Variants in RTN3 observed in about 807,000 individuals in gnomAD.
RTN3 encodes the protein reticulon-3.
A neutral mutation model predicts 77.8 loss-of-function variants in RTN3; 49 were observed. The ratio of observed to expected loss-of-function variants is 0.63; its 90% CI spans 0.50 to 0.80. RTN3 has a LOEUF of 0.80. RTN3 is among the 30% of genes least tolerant of loss of function. The probability of loss-of-function intolerance (pLI) is 0.00; values close to 1 mark genes in which losing one functional copy is unlikely to be tolerated. For missense variants in RTN3, 1,236 were observed against 1,211.9 expected, an observed-to-expected ratio of 1.02 and a Z score of -0.29; for synonymous variants, 464 against 446.9, an observed-to-expected ratio of 1.04 and a Z score of -0.48.
intron 3 of RTN3, among the ~76,000 whole-genome samples, chr11:63,735,921 TAAAG>T (rs1363321269): frequency 1.3e-5 from 2 of 152,084 alleles, no homozygotes; most frequent in Non-Finnish European, 2.9e-5. Context: ...ACTCCAGTAA[TAAAG>T]ACAGTATGGT....
At chr11:63,732,286 C>CAGCCAAG (rs2012747941) in intron 3 of RTN3, among the ~76,000 whole-genome samples, 1 of 152,066 alleles carries the variant, frequency 6.6e-6, no homozygotes, top group African/African-American at 2.4e-5. Context: ...AGCCAAGTAG[C>CAGCCAAG]TAGGACTACA....
At chr11:63,737,341 G>A (rs995877329) in intron 3 of RTN3, among the ~76,000 whole-genome samples, 1 of 152,222 alleles carries the variant, frequency 6.6e-6, no homozygotes, top group African/African-American at 2.4e-5. Context: ...GCATGCCGGT[G>A]TCTCATGCCT....
intron 3 of RTN3, among the ~76,000 whole-genome samples, chr11:63,728,912 AAAG>A (rs144373345): frequency 0.11 from 16,184 of 150,900 alleles, 1,001 homozygotes; most frequent in South Asian, 0.16. Flanking sequence ...AGAAAAAAGA[AAAG>A]AAAGTAGCTA....
chr11:63,741,918 A>G lies in RTN3; in HGVS notation c.2531-8073A>G, dbSNP rs538776043. ...ATAGCATCTTGATAATGGTAGCTTT[A>G]TATTTAAAATCAGGTCATGTTAATC... On this transcript the variant is annotated intron_variant, in intron 3 of 8. Coordinates refer to ENST00000377819, the MANE Select transcript of RTN3 (RefSeq NM_001265589.2). Among the ~76,000 whole-genome samples, 5 of 151,546 alleles carry G rather than the reference A, an allele frequency of 3.3e-5. No individual in the cohort carries two copies. The East Asian group carries it at 5.8e-4, about 18-fold the overall frequency.
rs373279034 is a variant in RTN3, at chr11:63,731,257, T to G, written c.2530+10225T>G. 2.0e-5 allele frequency among the ~76,000 whole-genome samples: 3 copies of G among 152,182 alleles called. No individual in the cohort carries two copies. In the South Asian group the frequency reaches 6.2e-4, roughly 32 times the overall value. On this transcript the variant is annotated intron_variant, in intron 3 of 8. Coordinates refer to ENST00000377819, the MANE Select transcript of RTN3 (RefSeq NM_001265589.2). Reference sequence around the variant, plus strand: ...CACCACGCCCACTAATTTTTGTATTTTAAGTAGAGACAGGGTTTCACCATG... The same window carrying G: ...CACCACGCCCACTAATTTTTGTATTGTAAGTAGAGACAGGGTTTCACCATG...
intron 7 of RTN3, among the ~76,000 whole-genome samples, chr11:63,754,642 G>A (rs2014270276): frequency 1.4e-5 from 2 of 143,200 alleles, no homozygotes; most frequent in African/African-American, 5.2e-5. Context: ...GGAGGTTGCA[G>A]TGAGCCGAGA....
Position 63,753,134 on chromosome 11 carries a change from T to A in RTN3, c.2943T>A (p.Ile981=). 1 of 1,613,978 alleles carries A rather than the reference T, an allele frequency of 6.2e-7. No individual in the cohort carries two copies. Among genetic ancestry groups the A allele is most frequent in the Non-Finnish European group, 8.5e-7 (1 of 1,179,848 alleles). Residue 981 remains isoleucine, a synonymous_variant, in exon 6 of 9, where the codon ATT becomes ATA. Transcript: ENST00000377819. The part of the protein sequence containing the change: ...GAVFNGITLL[I]LAELLIFSVP... ...TTTTTAACGGAATCACCCTTCTAAT[T>A]CTTGGTAAGGTGGCAAGGAGAATGT...
intron 1 of RTN3, among the ~76,000 whole-genome samples, chr11:63,698,952 T>C (rs557612669): frequency 1.3e-5 from 2 of 152,338 alleles, no homozygotes; most frequent in South Asian, 2.1e-4. Context: ...TTGCCACTTA[T>C]ATATGCCTTA....
intron 4 of RTN3, chr11:63,750,505 T>G (rs1217626410): frequency 6.8e-6 from 2 of 291,990 alleles, no homozygotes; most frequent in Non-Finnish European, 1.3e-5. Context: ...CAGGCTGGAG[T>G]ACAGTGGCGC....
intron 4 of RTN3, among the ~76,000 whole-genome samples, chr11:63,750,979 G>C (rs1012226053): frequency 6.6e-6 from 1 of 152,060 alleles, no homozygotes; most frequent in Admixed American, 6.6e-5. Context: ...TGATCCACCC[G>C]CCTCTGCCTC....
intron 1 of RTN3, chr11:63,698,459 C>T (rs2134690654): frequency 6.6e-6 from 1 of 152,374 alleles, no homozygotes; most frequent in East Asian, 1.9e-4. Context: ...CATTCAATGG[C>T]TTTGACTCTT....
intron 3 of RTN3, among the ~76,000 whole-genome samples, chr11:63,745,851 C>T (rs568513618): frequency 5.9e-4 from 90 of 152,370 alleles, no homozygotes; most frequent in African/African-American, 1.8e-3. Context: ...CACTCTTTCA[C>T]CCAGGCTGGA....
intron 2 of RTN3, among the ~76,000 whole-genome samples, chr11:63,712,104 A>AAGT (rs1050827143): frequency 2.0e-5 from 3 of 152,220 alleles, no homozygotes; most frequent in African/African-American, 7.2e-5. Flanking sequence ...TAAGATTTTG[A>AAGT]AGTAGATAAA....
chr11:63,711,031 C>T (rs1289668336), intron 2 of RTN3, among the ~76,000 whole-genome samples: 1 of 152,126 alleles, frequency 6.6e-6, no homozygotes, highest in Non-Finnish European at 1.5e-5. Context: ...GTAATCCCAG[C>T]ACTTGTGGGA....
At chr11:63,697,336 C>T (rs112495310) in intron 1 of RTN3, among the ~76,000 whole-genome samples, 1,662 of 146,720 alleles carry the variant, frequency 0.011, 31 homozygotes, top group African/African-American at 0.038. Flanking sequence ...GATAGAGCCT[C>T]ACTCTGTCGC....
Position 63,686,338 on chromosome 11 carries a change from C to T in RTN3, c.142+4560C>T, listed in dbSNP as rs541160597. Among the ~76,000 whole-genome samples the T allele has an allele frequency of 3.3e-5, 5 of 151,830 alleles. No individual in the cohort carries two copies. In the South Asian group the frequency reaches 8.3e-4, roughly 25 times the overall value. On this transcript the variant is annotated intron_variant, in intron 1 of 8. Coordinates refer to ENST00000377819, the MANE Select transcript of RTN3 (RefSeq NM_001265589.2). ...ACAAAAAATTAGCCGGGCGTGGTGG[C>T]GGGGCGCCTGTAGTCCCAGCTACTC...
chr11:63,684,196 T>G (rs1267801397), intron 1 of RTN3, among the ~76,000 whole-genome samples: 11 of 138,454 alleles, frequency 7.9e-5, no homozygotes, highest in Non-Finnish European at 1.2e-4. Context: ...TCGCCCAGGC[T>G]GGAGTGCAGT....
At chr11:63,736,407 G>T (rs1423823168) in intron 3 of RTN3, among the ~76,000 whole-genome samples, 2 of 152,264 alleles carry the variant, frequency 1.3e-5, no homozygotes, top group South Asian at 2.1e-4. Flanking sequence ...TAATATAAAG[G>T]CCAGGCGTGG....
At chr11:63,707,066 T>C (rs1177635217) in intron 2 of RTN3, among the ~76,000 whole-genome samples, 1 of 151,888 alleles carries the variant, frequency 6.6e-6, no homozygotes, top group Non-Finnish European at 1.5e-5. Flanking sequence ...GCCCAGCTAA[T>C]TTTTGCATTT....
Sources: gnomAD v4.1 joint callset for allele counts (sites outside exome capture counted in the v4.1 genomes callset) on GRCh38, gnomAD v4.1.1 for gene constraint, MANE v1.5 for transcripts, NCBI Gene and HGNC (gene_info 2026-07-23, HGNC 2026-07-21) for gene names.